Variants in TOX4 observed in about 807,000 individuals in gnomAD.
TOX4 encodes the protein TOX high mobility group box family member 4.
TOX4 carries 12 observed loss-of-function variants against 61.0 expected under a neutral mutation model. That is an observed-to-expected ratio of 0.20 (90% confidence interval 0.13 to 0.32). TOX4 has a LOEUF of 0.32. Among genes scored for constraint, TOX4 ranks in the 10% least tolerant of loss-of-function variants. The pLI, the probability that TOX4 is intolerant of heterozygous loss-of-function variation, is 1.00. For missense variants in TOX4, 499 were observed against 753.3 expected, an observed-to-expected ratio of 0.66 and a Z score of 3.95; for synonymous variants, 268 against 274.8, an observed-to-expected ratio of 0.98 and a Z score of 0.24.
At position 21,497,016 on chromosome 14, in the gene TOX4, T is replaced by C. The variant is rs1891417954; in HGVS notation, c.*410T>C. 5.8e-6 allele frequency: 1 copy of C among 171,668 alleles called. No individual in the cohort carries two copies. The highest frequency in any genetic ancestry group is 1.3e-5 in the Non-Finnish European group (1 of 79,178). 10.6% of individuals were successfully genotyped at this position (171,668 alleles called of 1,614,324 possible). A position where few individuals can be genotyped will look rare whatever the true frequency, so the allele number is the denominator to read the frequency against. On this transcript the variant is annotated 3_prime_UTR_variant, in exon 9 of 9. Coordinates refer to ENST00000448790, the MANE Select transcript of TOX4 (RefSeq NM_014828.4). ...CACTGTGTGCATCCATTTTAAAGGG[T>C]TCCCTCATAAAAAAATGTTATTCCC...
Position 21,495,336 on chromosome 14 carries a change from G to A in TOX4, c.1749G>A (p.Val583=), listed in dbSNP as rs778313714. ...VRSGCENPPI[V]SKDWDNEYCS... is the part of the protein sequence containing the mutation. ...CTGGTTGTGAGAACCCTCCCATTGT[G>A]AGTAAGGACTGGGACAATGAATACT... The change falls in exon 8 of 9, where the codon GTG becomes GTA. Residue 583 remains valine, a synonymous_variant. Transcript: ENST00000448790. 2.5e-6 allele frequency: 4 copies of A among 1,614,174 alleles called. No homozygotes were observed. In the South Asian group the frequency reaches 4.4e-5, roughly 18 times the overall value.
At chr14:21,487,769 C>G in intron 3 of TOX4, 76 bp downstream of exon 3, 1 of 1,493,334 alleles carries the variant, frequency 6.7e-7, no homozygotes, top group Non-Finnish European at 9.0e-7. Flanking sequence ...ACTCTATTCC[C>G]TGCTACACTT....
chr14:21,494,460 A>G (rs1891357055), intron 7 of TOX4, among the ~76,000 whole-genome samples: 1 of 152,098 alleles, frequency 6.6e-6, no homozygotes, highest in South Asian at 2.1e-4. Context: ...ACAAAAAATT[A>G]GCTGGGGCTG....
chr14:21,492,322 C>T lies in TOX4; in HGVS notation c.837C>T (p.Ala279=). 1 of 1,613,510 alleles carries T rather than the reference C, an allele frequency of 6.2e-7. No individual in the cohort carries two copies. The highest frequency in any genetic ancestry group is 8.5e-7 in the Non-Finnish European group (1 of 1,179,920). The change falls in exon 6 of 9, where the codon GCC becomes GCT. Residue 279 remains alanine, a synonymous_variant. Transcript: ENST00000448790. ...KQVYKRKTEA[A]KKEYLKALAA... is the part of the protein sequence containing the mutation. ...TATATAAGAGGAAAACTGAGGCTGC[C>T]AAGAAAGAGTATCTGAAGGCACTGG...
intron 2 of TOX4, among the ~76,000 whole-genome samples, chr14:21,482,356 C>T (rs57579497): frequency 3.3e-3 from 499 of 152,072 alleles, no homozygotes; most frequent in African/African-American, 0.011. Flanking sequence ...ATAGTACCAG[C>T]GTATTGTTGA....
At position 21,493,067 on chromosome 14, in the gene TOX4, T is replaced by C. The variant is rs1459745770; in HGVS notation, c.1451T>C (p.Leu484Ser). ...CCACCTCAGAAAGTTCGAATCAATT[T>C]ACAGCAACAGCCTCCTCCTCTGCAG... ...QPPPQKVRIN[L>S]QQQPPPLQIK... The change falls in exon 7 of 9, where the codon TTA becomes TCA. Residue 484 changes from leucine (L) to serine (S), a missense_variant. Coordinates refer to ENST00000448790, the MANE Select transcript of TOX4 (RefSeq NM_014828.4). 1 of 1,613,996 alleles carries C rather than the reference T, an allele frequency of 6.2e-7. No individual in the cohort carries two copies. Among genetic ancestry groups the C allele is most frequent in the Non-Finnish European group, 8.5e-7 (1 of 1,180,024 alleles).
chr14:21,481,747 T>A (rs1407094588), intron 2 of TOX4, among the ~76,000 whole-genome samples: 3 of 152,186 alleles, frequency 2.0e-5, no homozygotes, highest in African/African-American at 7.2e-5. Flanking sequence ...TACACAGATA[T>A]AAAAAATTAA....
chr14:21,479,130 G>T (rs925846062), intron 2 of TOX4, among the ~76,000 whole-genome samples: 1 of 121,460 alleles, frequency 8.2e-6, no homozygotes, highest in African/African-American at 3.0e-5. Context: ...CTTTTTTGTT[G>T]CTTTTATTTA....
At position 21,498,416 on chromosome 14, in the gene TOX4, AG is replaced by A; in HGVS notation, c.*1813del. ...GGCAAACCAGAAATCCTGGAATTAG[AG>A]GGTTTAATATTGTTAAAAAATGCAT... is the stretch of plus-strand genomic sequence containing the variant. On this transcript the variant is annotated 3_prime_UTR_variant, in exon 9 of 9. Transcript: ENST00000448790. The A allele has an allele frequency of 6.3e-7, 1 of 1,585,556 alleles. No individual in the cohort carries two copies. Among genetic ancestry groups the A allele is most frequent in the East Asian group, 2.2e-5 (1 of 44,712 alleles).
Position 21,498,285 on chromosome 14 carries a change from A to G in TOX4, c.*1679A>G, listed in dbSNP as rs772167252. On this transcript the variant is annotated 3_prime_UTR_variant, in exon 9 of 9. Coordinates refer to ENST00000448790, the MANE Select transcript of TOX4 (RefSeq NM_014828.4). The stretch of plus-strand genomic sequence containing the variant: ...ATAAATTCTTAGGTTTAGAGATGAT[A>G]CCATCTGGGTACCTTTGCTTGAACC... The G allele has an allele frequency of 6.8e-6, 11 of 1,610,026 alleles. No homozygotes were observed. Among genetic ancestry groups the G allele is most frequent in the Admixed American group, 3.3e-5 (2 of 60,012 alleles).
At chr14:21,493,436 GTTTTTT>G (rs554127066) in intron 7 of TOX4, among the ~76,000 whole-genome samples, 179 bp downstream of exon 7, 2 of 149,178 alleles carry the variant, frequency 1.3e-5, no homozygotes, top group South Asian at 4.3e-4. Flanking sequence ...TACTCATACT[GTTTTTT>G]TTTTGTTTGT....
chr14:21,496,485 G>A, intron 8 of TOX4, 61 bp from the exon 9 acceptor site: 1 of 1,492,550 alleles, frequency 6.7e-7, no homozygotes, highest in Non-Finnish European at 9.3e-7. Flanking sequence ...AATGTATCTA[G>A]GCTGTAATTC....
rs1419515765 is a variant in TOX4 at position 21,477,262 on chromosome 14, G to A, written c.-17G>A. 6 of 1,613,990 alleles carry A rather than the reference G, an allele frequency of 3.7e-6. No individual in the cohort carries two copies. The highest frequency in any genetic ancestry group is 5.1e-6 in the Non-Finnish European group (6 of 1,180,010). ...GGAGCGATGAGGGTCTGAGACGGTG[G>A]GAGCGGTTGTGTGAAGATGGAGGTA... On this transcript the variant is annotated 5_prime_UTR_variant, in exon 1 of 9. Coordinates refer to ENST00000448790, the MANE Select transcript of TOX4 (RefSeq NM_014828.4).
intron 5 of TOX4, among the ~76,000 whole-genome samples, chr14:21,491,584 C>CA (rs1254057134): frequency 6.6e-6 from 1 of 150,462 alleles, no homozygotes; most frequent in Admixed American, 6.6e-5. Context: ...AGGATGGTCT[C>CA]AATCTCCTGA....
In TOX4 at chr14:21,493,174, A is replaced by G. The variant is rs543091535; in HGVS notation, c.1558A>G (p.Met520Val). The change falls in exon 7 of 9, where the codon ATG becomes GTG. Residue 520 changes from methionine (M) to valine (V), a missense_variant. Physicochemically the swap from Met to Val is conservative, Grantham distance 21 (BLOSUM62 1). Around this residue, in one of 7 missense-constraint regions of TOX4, gnomAD observed 296 missense variants for 404.7 expected, o/e 0.73. Coordinates refer to ENST00000448790, the MANE Select transcript of TOX4 (RefSeq NM_014828.4). ...TGTGGAAAGTAGTCCTGAGCGGCCT[A>G]TGAACAACAGCCCTGAGGCCCATAC... Reference protein sequence around the residue: ...PTVESSPERPMNNSPEAHTVE... With the variant: ...PTVESSPERPVNNSPEAHTVE... 4.6e-5 allele frequency: 74 copies of G among 1,614,186 alleles called. No individual in the cohort carries two copies. The East Asian group carries it at 1.1e-3, about 24-fold the overall frequency.
At chr14:21,496,467 A>G (rs533937554) in intron 8 of TOX4, 79 bp from the exon 9 acceptor site, 2 of 1,374,820 alleles carry the variant, frequency 1.5e-6, no homozygotes, top group South Asian at 2.4e-5. Flanking sequence ...GTCCGTCTCA[A>G]AAAAAAAAAT....
At chr14:21,490,400 G>A (rs1438876237) in intron 5 of TOX4, among the ~76,000 whole-genome samples, 3 of 151,748 alleles carry the variant, frequency 2.0e-5, no homozygotes, top group African/African-American at 7.3e-5. Context: ...GCTTGAACCC[G>A]GGAGGCAGAG....
At chr14:21,492,171 T>C in intron 5 of TOX4, 125 bp from the exon 6 acceptor site, 1 of 887,542 alleles carries the variant, frequency 1.1e-6, no homozygotes, top group East Asian at 2.7e-5. Flanking sequence ...TTGAATTCAC[T>C]GATAGAGGTT....
At chr14:21,483,165 C>A (rs1891136254) in intron 2 of TOX4, among the ~76,000 whole-genome samples, 1 of 151,986 alleles carries the variant, frequency 6.6e-6, no homozygotes, top group Non-Finnish European at 1.5e-5. Context: ...AACACTGGTC[C>A]CTTGTTTTGG....
Sources: gnomAD v4.1 joint callset for allele counts (sites outside exome capture counted in the v4.1 genomes callset) on GRCh38, gnomAD v4.1.1 for gene constraint, gnomAD v4.1.1 regional missense constraint, MANE v1.5 for transcripts, NCBI Gene and HGNC (gene_info 2026-07-23, HGNC 2026-07-21) for gene names.